The following RALGPS1 variants were observed in gnomAD, a reference collection of about 807,000 sequenced individuals.
RALGPS1 encodes the protein ras-specific guanine nucleotide-releasing factor RalGPS1.
A neutral mutation model predicts 78.8 loss-of-function variants in RALGPS1; 19 were observed. The ratio of observed to expected loss-of-function variants is 0.24; its 90% CI spans 0.17 to 0.35. The LOEUF is 0.35. Ranked by LOEUF, RALGPS1 falls within the 10% of genes least tolerant of loss-of-function variation. The pLI is 1.00. For missense variants in RALGPS1, 454 were observed against 688.3 expected, an observed-to-expected ratio of 0.66 and a Z score of 3.81; for synonymous variants, 228 against 256.3, an observed-to-expected ratio of 0.89 and a Z score of 1.06.
chr9:127,168,061 G>T (rs184080273), intron 9 of RALGPS1, among the ~76,000 whole-genome samples: 1 of 152,348 alleles, frequency 6.6e-6, no homozygotes, highest in African/African-American at 2.4e-5. Context: ...TTTCTCCCAC[G>T]TGAGGCAGGT....
intron 8 of RALGPS1, among the ~76,000 whole-genome samples, chr9:127,095,874 C>G (rs368111736): frequency 1.4e-4 from 21 of 152,338 alleles, no homozygotes; most frequent in South Asian, 1.0e-3. Context: ...CATTCATCCA[C>G]CTAGAACCTG....
At chr9:127,190,195 A>G (rs2060948039) in intron 11 of RALGPS1, among the ~76,000 whole-genome samples, 1 of 152,234 alleles carries the variant, frequency 6.6e-6, no homozygotes, top group African/African-American at 2.4e-5. Context: ...GTTTTACTGC[A>G]TATGTACTTG....
chr9:127,014,534 G>T (rs144969723), intron 4 of RALGPS1, among the ~76,000 whole-genome samples: 1 of 152,124 alleles, frequency 6.6e-6, no homozygotes, highest in African/African-American at 2.4e-5. Context: ...TAACTGGGAT[G>T]GGGGAGAAGA....
chr9:127,166,173 A>G lies in RALGPS1; in HGVS notation c.715A>G (p.Ile239Val). ...CAATCAGATGAACAATATTCTTCGA[A>G]TAATTGCTGATTTACAAGTTTCCTG... Reference protein sequence around the residue: ...RSNQMNNILRIIADLQVSCSY... With the variant: ...RSNQMNNILRVIADLQVSCSY... Residue 239 changes from isoleucine (I) to valine (V), a missense_variant, in exon 9 of 19, where the codon ATA (isoleucine) becomes GTA (valine). Transcript: ENST00000259351. 6.2e-7 allele frequency: 1 copy of G among 1,613,760 alleles called. No individual in the cohort carries two copies. The highest frequency in any genetic ancestry group is 1.7e-4 in the Middle Eastern group (1 of 6,050).
chr9:127,098,758 C>G (rs2053421865), intron 8 of RALGPS1, among the ~76,000 whole-genome samples: 1 of 152,186 alleles, frequency 6.6e-6, no homozygotes, highest in South Asian at 2.1e-4. Context: ...ATGGCTGATA[C>G]AGTGCTTGCT....
In RALGPS1 at chr9:127,091,967, T is replaced by C. The variant is rs762418124; in HGVS notation, c.610+22611T>C. ...TGGGGAAAACCCAGGAGAGTGTTAA[T>C]GTGGAGCCTGCAGCACCTGCAGCCA... On this transcript the variant is annotated intron_variant, in intron 8 of 18. Coordinates refer to ENST00000259351, the MANE Select transcript of RALGPS1 (RefSeq NM_014636.3). This position sits in a 1 kb window ranked among gnomAD's most constrained non-coding sequence, Gnocchi z 4.3. The C allele has an allele frequency of 3.1e-6, 5 of 1,607,018 alleles. No individual in the cohort carries two copies. In the East Asian group the frequency reaches 8.9e-5, roughly 29 times the overall value.
chr9:127,089,092 A>G, intron 8 of RALGPS1: 2 of 1,614,244 alleles, frequency 1.2e-6, no homozygotes, highest in Non-Finnish European at 1.7e-6. Flanking sequence ...TGGAGTGGGC[A>G]CAGGCGTTAT....
chr9:127,059,873 G>C (rs558761106), intron 7 of RALGPS1, among the ~76,000 whole-genome samples: 30 of 152,244 alleles, frequency 2.0e-4, no homozygotes, highest in Non-Finnish European at 3.4e-4. Context: ...CAGTATGGTA[G>C]ACTGAGAAAT....
intron 7 of RALGPS1, among the ~76,000 whole-genome samples, chr9:127,061,651 G>T (rs907522205): frequency 3.9e-5 from 6 of 152,252 alleles, no homozygotes; most frequent in Non-Finnish European, 7.4e-5. Context: ...GTCCTCTCCA[G>T]CCCCATCTGT....
chr9:127,093,710 A>C (rs143922059), intron 8 of RALGPS1: 19 of 1,612,656 alleles, frequency 1.2e-5, no homozygotes, highest in Admixed American at 6.7e-5. Context: ...TGGGCAGCAC[A>C]GACATCCCCT....
intron 18 of RALGPS1, 110 bp downstream of exon 18, chr9:127,214,952 ACT>A: frequency 6.6e-7 from 1 of 1,526,694 alleles, no homozygotes; most frequent in South Asian, 1.2e-5. Context: ...CATTAGCCAC[ACT>A]CTCAGATACC....
chr9:127,019,354 G>T (rs781165320), intron 4 of RALGPS1, among the ~76,000 whole-genome samples: 18 of 152,024 alleles, frequency 1.2e-4, no homozygotes, highest in Non-Finnish European at 2.4e-4. Flanking sequence ...TTGAGATGGA[G>T]TCTTGCTTTG....
chr9:126,949,221 A>G (rs1187929309), intron 1 of RALGPS1, among the ~76,000 whole-genome samples: 8 of 152,206 alleles, frequency 5.3e-5, no homozygotes, highest in Non-Finnish European at 8.8e-5. Flanking sequence ...ATTGTTGGAC[A>G]TTTGGGTTGG....
At chr9:127,138,554 C>T (rs1334830323) in intron 8 of RALGPS1, among the ~76,000 whole-genome samples, 1 of 152,130 alleles carries the variant, frequency 6.6e-6, no homozygotes, top group African/African-American at 2.4e-5. Context: ...GGCAAGCTCA[C>T]AATTGCTGCA....
At chr9:127,169,788 A>G (rs1206081763) in intron 10 of RALGPS1, among the ~76,000 whole-genome samples, 1 of 152,188 alleles carries the variant, frequency 6.6e-6, no homozygotes. Context: ...AAATGCCATG[A>G]GATATTCAAC....
chr9:127,023,941 G>A (rs561546262), intron 4 of RALGPS1, among the ~76,000 whole-genome samples: 27 of 146,374 alleles, frequency 1.8e-4, no homozygotes, highest in African/African-American at 6.9e-4. Context: ...GGAAGCTGAG[G>A]CAGAAGAATT....
intron 8 of RALGPS1, among the ~76,000 whole-genome samples, chr9:127,112,096 G>C (rs189692830): frequency 1.1e-4 from 17 of 152,316 alleles, no homozygotes; most frequent in Non-Finnish European, 1.9e-4. Context: ...GGGCCTTGCT[G>C]AGCTGTTTTC....
intron 4 of RALGPS1, among the ~76,000 whole-genome samples, chr9:127,005,647 G>A (rs914707078): frequency 6.6e-6 from 1 of 152,114 alleles, no homozygotes; most frequent in Non-Finnish European, 1.5e-5. Flanking sequence ...CAAAGGATAA[G>A]CCTTGAAGTA....
intron 8 of RALGPS1, among the ~76,000 whole-genome samples, chr9:127,132,863 T>A (rs977475663): frequency 2.6e-5 from 4 of 152,202 alleles, no homozygotes; most frequent in Non-Finnish European, 5.9e-5. Context: ...ATCATCAACA[T>A]CTTCATCCTC....
Sources: allele counts gnomAD v4.1 joint callset (sites outside exome capture counted in the v4.1 genomes callset), GRCh38; gene constraint gnomAD v4.1.1; non-coding constraint Gnocchi (gnomAD v3.1); transcripts MANE v1.5; gene names NCBI Gene and HGNC (gene_info 2026-07-23, HGNC 2026-07-21).